The following SGCD variants were observed in gnomAD, a reference collection of about 807,000 sequenced individuals.
SGCD encodes the protein sarcoglycan delta, also known as delta-sarcoglycan.
In SGCD, 18 loss-of-function variants were observed where a neutral mutation model predicts 36.6. The ratio of observed to expected loss-of-function variants is 0.49; its 90% CI spans 0.34 to 0.73. SGCD has a LOEUF of 0.73. Among genes scored for constraint, SGCD ranks in the 30% least tolerant of loss-of-function variants. The pLI is 0.01. For missense variants in SGCD, 387 were observed against 346.7 expected, an observed-to-expected ratio of 1.12 and a Z score of -0.92; for synonymous variants, 133 against 130.6, an observed-to-expected ratio of 1.02 and a Z score of -0.12.
intron 1 of SGCD, among the ~76,000 whole-genome samples, chr5:156,104,147 C>CGAAATTA (rs1761587490): frequency 6.6e-6 from 1 of 151,922 alleles, no homozygotes; most frequent in South Asian, 2.1e-4. Context: ...CTCTCTGGAC[C>CGAAATTA]ACATACTGGT....
At chr5:155,759,163 A>C in the SGCD span, among the ~76,000 whole-genome samples, 2 of 152,086 alleles carry the variant, frequency 1.3e-5, no homozygotes, top group African/African-American at 4.8e-5. Context: ...GATTTGATGA[A>C]GCTTCCAATT....
At chr5:156,597,036 G>A (rs1760954423) in intron 6 of SGCD, among the ~76,000 whole-genome samples, 1 of 152,156 alleles carries the variant, frequency 6.6e-6, no homozygotes, top group Non-Finnish European at 1.5e-5. Context: ...GCAGGGTGCA[G>A]AGATGATAAA....
intron 3 of SGCD, among the ~76,000 whole-genome samples, chr5:156,429,412 AAGTG>A (rs1437415286): frequency 6.6e-6 from 1 of 151,918 alleles, no homozygotes; most frequent in Non-Finnish European, 1.5e-5. Context: ...CTTATGTCTT[AAGTG>A]AGTATCTTGA....
intron 1 of SGCD, among the ~76,000 whole-genome samples, chr5:155,906,679 G>A (rs1756518203): frequency 1.3e-5 from 2 of 152,118 alleles, no homozygotes; most frequent in African/African-American, 4.8e-5. Flanking sequence ...TTGAAGACGA[G>A]AGAGGTAAGG....
At chr5:156,076,544 C>G (rs1216150206) in intron 1 of SGCD, among the ~76,000 whole-genome samples, 2 of 152,150 alleles carry the variant, frequency 1.3e-5, no homozygotes, top group Non-Finnish European at 2.9e-5. Context: ...ATGTCAAACT[C>G]TGAAGCCAGC....
At chr5:156,585,980 AG>A (rs546220292) in intron 4 of SGCD, among the ~76,000 whole-genome samples, 13 of 152,242 alleles carry the variant, frequency 8.5e-5, no homozygotes, top group Non-Finnish European at 1.9e-4. Context: ...TAATATTAGT[AG>A]GTAAATTTTG....
intron 1 of SGCD, among the ~76,000 whole-genome samples, chr5:155,998,445 A>G (rs1383385745): frequency 6.6e-6 from 1 of 152,180 alleles, no homozygotes; most frequent in Non-Finnish European, 1.5e-5. Flanking sequence ...GTGTTTCCTG[A>G]GAAAATTGCT....
At chr5:156,070,280 C>T (rs1324562265) in intron 1 of SGCD, among the ~76,000 whole-genome samples, 2 of 152,084 alleles carry the variant, frequency 1.3e-5, no homozygotes, top group South Asian at 2.1e-4. Flanking sequence ...TCATAGATAG[C>T]TCTCATTATT....
At chr5:155,839,843 A>G in the SGCD span, among the ~76,000 whole-genome samples, 1 of 152,162 alleles carries the variant, frequency 6.6e-6, no homozygotes. Context: ...CCAGCCTTCA[A>G]CATCTCTCAG....
intron 3 of SGCD, among the ~76,000 whole-genome samples, chr5:156,212,741 C>T (rs900825755): frequency 2.0e-5 from 3 of 152,018 alleles, no homozygotes; most frequent in South Asian, 2.1e-4. Context: ...GGATAGATCA[C>T]GTTAGGCCAC....
the SGCD span, among the ~76,000 whole-genome samples, chr5:155,848,945 A>G: frequency 1.3e-5 from 2 of 152,218 alleles, no homozygotes; most frequent in Non-Finnish European, 1.5e-5. Context: ...ATTCGTGGGT[A>G]ACTTGGTACT....
At chr5:156,156,191 C>T (rs1046044069) in intron 3 of SGCD, among the ~76,000 whole-genome samples, 5 of 151,530 alleles carry the variant, frequency 3.3e-5, no homozygotes, top group South Asian at 2.1e-4. Flanking sequence ...CTTCATATTA[C>T]GAATATGTGA....
chr5:155,887,491 G>A (rs766583230), intron 1 of SGCD, among the ~76,000 whole-genome samples: 10 of 152,136 alleles, frequency 6.6e-5, no homozygotes, highest in Non-Finnish European at 1.3e-4. Context: ...GCCTTCTTCT[G>A]TGTAGAGTGG....
chr5:156,504,392 G>GTGTATATATATATATA (rs1413599402), intron 3 of SGCD, among the ~76,000 whole-genome samples: 12 of 75,100 alleles, frequency 1.6e-4, no homozygotes, highest in Admixed American at 4.7e-4. Flanking sequence ...GTGTGTGTGT[G>GTGTATATATATATATA]TATATATATA....
At chr5:156,411,582 C>T (rs944951396) in intron 3 of SGCD, among the ~76,000 whole-genome samples, 7 of 152,232 alleles carry the variant, frequency 4.6e-5, no homozygotes, top group Admixed American at 4.6e-4. Context: ...GTTAACATCT[C>T]TGGGTCCTTG....
At chr5:155,937,304 A>G (rs911786659) in intron 1 of SGCD, among the ~76,000 whole-genome samples, 1 of 152,204 alleles carries the variant, frequency 6.6e-6, no homozygotes, top group Non-Finnish European at 1.5e-5. Flanking sequence ...CAGCTGCTCC[A>G]GGCAGGCCGC....
At chr5:155,828,057 T>A in the SGCD span, among the ~76,000 whole-genome samples, 2 of 152,068 alleles carry the variant, frequency 1.3e-5, no homozygotes, top group African/African-American at 4.8e-5. Context: ...AATACACACT[T>A]ACTTAGCATC....
At chr5:156,589,161 G>C (rs1760616433) in intron 4 of SGCD, 70 bp from the exon 5 acceptor site, 2 of 1,163,994 alleles carry the variant, frequency 1.7e-6, no homozygotes, top group Non-Finnish European at 2.5e-6. Context: ...CCCTTGGAGA[G>C]TTGTAATGAC....
chr5:156,094,015 G>A (rs1451198120), intron 1 of SGCD, among the ~76,000 whole-genome samples: 1 of 152,160 alleles, frequency 6.6e-6, no homozygotes, highest in African/African-American at 2.4e-5. Context: ...GTATTGCTCT[G>A]TGCAAATCAG....
Sources: allele counts gnomAD v4.1 joint callset (sites outside exome capture counted in the v4.1 genomes callset), GRCh38; gene constraint gnomAD v4.1.1; transcripts MANE v1.5; gene names NCBI Gene and HGNC (gene_info 2026-07-23, HGNC 2026-07-21).